Variants in TMEM131L observed in about 807,000 individuals in gnomAD.
TMEM131L encodes transmembrane protein 131-like.
A neutral mutation model predicts 192.2 loss-of-function variants in TMEM131L; 54 were observed. The ratio of observed to expected loss-of-function variants is 0.28; its 90% CI spans 0.23 to 0.35. The LOEUF is 0.35. TMEM131L is among the 10% of genes least tolerant of loss of function. The pLI is 1.00. For synonymous variants in TMEM131L, 701 were observed against 704.9 expected, an observed-to-expected ratio of 0.99 and a Z score of 0.09; for missense variants, 1,888 against 1,972.9, an observed-to-expected ratio of 0.96 and a Z score of 0.82.
At chr4:153,605,084 T>G (rs1489469789) in intron 25 of TMEM131L, among the ~76,000 whole-genome samples, 1 of 152,176 alleles carries the variant, frequency 6.6e-6, no homozygotes, top group East Asian at 1.9e-4. Flanking sequence ...TGAACAAAAC[T>G]TCAGCTATTT....
chr4:153,547,687 C>T (rs11736770), intron 3 of TMEM131L, among the ~76,000 whole-genome samples: 2 of 152,186 alleles, frequency 1.3e-5, no homozygotes, highest in Non-Finnish European at 2.9e-5. Context: ...CCATAGGCCT[C>T]GAGTGCTCTG....
Position 153,551,958 on chromosome 4 carries a change from C to T in TMEM131L, c.308+1817C>T, listed in dbSNP as rs572708403. 5.3e-5 allele frequency among the ~76,000 whole-genome samples: 8 copies of T among 152,108 alleles called. No homozygotes were observed. The East Asian group carries it at 1.6e-3, about 30-fold the overall frequency. On this transcript the variant is annotated intron_variant, in intron 4 of 34. Transcript: ENST00000409959. ...GCGCGGTGGCTCACACCTGTAATCC[C>T]AGCACTCTGGGAGCCCGGGCTGGGC...
Position 153,598,571 on chromosome 4 carries a change from C to G in TMEM131L, c.2124-19C>G, listed in dbSNP as rs1049436959. ...GACTCCATGTAATGCCTTTTTATAT[C>G]TATTTCCTTTCACTACAGGAATAAC... On this transcript the variant is annotated intron_variant, in intron 20 of 34. Coordinates refer to ENST00000409959, the MANE Select transcript of TMEM131L (RefSeq NM_001131007.2). The G allele has an allele frequency of 1.9e-6, 3 of 1,604,682 alleles. No individual in the cohort carries two copies. Among genetic ancestry groups the G allele is most frequent in the Admixed American group, 3.3e-5 (2 of 59,704 alleles).
At chr4:153,476,569 C>T (rs961794742) in intron 3 of TMEM131L, among the ~76,000 whole-genome samples, 11 of 151,834 alleles carry the variant, frequency 7.2e-5, no homozygotes, top group African/African-American at 1.7e-4. Context: ...TGGTGGTGGG[C>T]GCCTGTAGTC....
chr4:153,565,319 C>G (rs1016152592), intron 7 of TMEM131L, among the ~76,000 whole-genome samples: 3 of 152,214 alleles, frequency 2.0e-5, no homozygotes, highest in African/African-American at 7.2e-5. Context: ...AATAGCATAT[C>G]TACTAGTCAT....
At chr4:153,532,619 G>T (rs1277877590) in intron 3 of TMEM131L, among the ~76,000 whole-genome samples, 1 of 151,850 alleles carries the variant, frequency 6.6e-6, no homozygotes. Flanking sequence ...CTTTTATAAA[G>T]AAAATGTAGT....
intron 3 of TMEM131L, among the ~76,000 whole-genome samples, chr4:153,493,808 A>G (rs1001647353): frequency 7.2e-5 from 11 of 152,292 alleles, no homozygotes; most frequent in African/African-American, 2.4e-4. Context: ...AGTACCTACC[A>G]CAGAGTTTGT....
chr4:153,618,175 C>A (rs1186120782), intron 26 of TMEM131L, among the ~76,000 whole-genome samples: 1 of 152,096 alleles, frequency 6.6e-6, no homozygotes, highest in African/African-American at 2.4e-5. Flanking sequence ...CTCCACACTG[C>A]CATCTGTGAA....
chr4:153,520,105 C>T (rs1235090529), intron 3 of TMEM131L, among the ~76,000 whole-genome samples: 1 of 152,158 alleles, frequency 6.6e-6, no homozygotes, highest in Non-Finnish European at 1.5e-5. Flanking sequence ...CAAACACGGT[C>T]CATCTTTCTT....
intron 28 of TMEM131L, among the ~76,000 whole-genome samples, chr4:153,622,554 G>A (rs147026141): frequency 6.4e-4 from 98 of 152,292 alleles, no homozygotes; most frequent in South Asian, 6.0e-3. Context: ...TAAAAGAGAG[G>A]GGGAAAATCA....
chr4:153,632,901 G>A, intron 32 of TMEM131L, 63 bp downstream of exon 32: 4 of 1,588,360 alleles, frequency 2.5e-6, no homozygotes, highest in South Asian at 2.2e-5. Context: ...TGGAATTTGA[G>A]TTCAGTTTCT....
chr4:153,629,081 AGTGCCCCACCTGCTCCT>A (rs986594315), intron 31 of TMEM131L, among the ~76,000 whole-genome samples: 5 of 152,094 alleles, frequency 3.3e-5, no homozygotes, highest in African/African-American at 9.7e-5. Flanking sequence ...GGTTTTGCCT[AGTGCCCCACCTGCTCCT>A]GTGCAGGCAA....
intron 26 of TMEM131L, among the ~76,000 whole-genome samples, chr4:153,615,512 C>G (rs1732914888): frequency 6.6e-6 from 1 of 152,170 alleles, no homozygotes; most frequent in African/African-American, 2.4e-5. Context: ...AATTTGCAGA[C>G]TGGCTGAGGG....
chr4:153,517,286 C>G (rs1734802719), intron 3 of TMEM131L, among the ~76,000 whole-genome samples: 1 of 152,208 alleles, frequency 6.6e-6, no homozygotes, highest in African/African-American at 2.4e-5. Flanking sequence ...CGCCTCCAGA[C>G]CTCTGCTGGG....
intron 7 of TMEM131L, 145 bp downstream of exon 7, chr4:153,558,513 A>T (rs1728634586): frequency 6.3e-6 from 3 of 473,338 alleles, no homozygotes; most frequent in Non-Finnish European, 1.2e-5. Context: ...ATTCCACCTA[A>T]CTTCTTTTTA....
chr4:153,498,211 T>C (rs1015544648), intron 3 of TMEM131L, among the ~76,000 whole-genome samples: 9 of 152,160 alleles, frequency 5.9e-5, no homozygotes, highest in Non-Finnish European at 1.3e-4. Flanking sequence ...AGCCAGGGGT[T>C]TGGGGGAGTC....
intron 7 of TMEM131L, among the ~76,000 whole-genome samples, chr4:153,575,375 T>C (rs1316581185): frequency 6.6e-6 from 1 of 152,224 alleles, no homozygotes; most frequent in Non-Finnish European, 1.5e-5. Flanking sequence ...TTCTATTTTC[T>C]TGACCTTTGC....
intron 7 of TMEM131L, among the ~76,000 whole-genome samples, chr4:153,572,542 G>T (rs1729657853): frequency 6.6e-6 from 1 of 151,956 alleles, no homozygotes; most frequent in Non-Finnish European, 1.5e-5. Flanking sequence ...TGTTGGTCAG[G>T]CTGGTCTTGA....
chr4:153,583,470 G>C lies in TMEM131L; in HGVS notation c.952-94G>C, dbSNP rs917741664. 6 of 884,530 alleles carry C rather than the reference G, an allele frequency of 6.8e-6. No homozygotes were observed. In the African/African-American group the frequency reaches 1.0e-4, roughly 15 times the overall value. 54.8% of individuals were successfully genotyped at this position (884,530 alleles called of 1,614,324 possible). A position where few individuals can be genotyped will look rare whatever the true frequency, so the allele number is the denominator to read the frequency against. On this transcript the variant is annotated intron_variant, in intron 10 of 34. Coordinates refer to ENST00000409959, the MANE Select transcript of TMEM131L (RefSeq NM_001131007.2). ...AGATGCTGAGCAGTTGCTATGTATG[G>C]CTGGTCTGTGCTATTTATTCTAACG...
Sources: allele counts gnomAD v4.1 joint callset (sites outside exome capture counted in the v4.1 genomes callset), GRCh38; gene constraint gnomAD v4.1.1; transcripts MANE v1.5; gene names NCBI Gene and HGNC (gene_info 2026-07-23, HGNC 2026-07-21).